Variants in RELN observed in about 807,000 individuals in gnomAD.
RELN encodes the protein reelin.
In RELN, 108 loss-of-function variants were observed where a neutral mutation model predicts 427.6. That is an observed-to-expected ratio of 0.25 (90% CI 0.22 to 0.30). RELN has a LOEUF of 0.30. Among genes scored for constraint, RELN ranks in the 10% least tolerant of loss-of-function variants. The pLI, the probability that RELN is intolerant of heterozygous loss-of-function variation, is 1.00. For missense variants in RELN, 3,715 were observed against 4,302.8 expected (o/e 0.86, Z 3.82); for synonymous variants, 1,524 against 1,513.4 (o/e 1.01, Z -0.16).
At chr7:103,711,768 C>T (rs3819450) in intron 8 of RELN, among the ~76,000 whole-genome samples, 18,766 of 152,042 alleles carry the variant, frequency 0.12, 1,263 homozygotes, top group Middle Eastern at 0.28. Flanking sequence ...GGAATCCTCT[C>T]GCCTCAGCCT....
chr7:103,742,925 C>T (rs1279950009), intron 6 of RELN, among the ~76,000 whole-genome samples: 3 of 151,924 alleles, frequency 2.0e-5, no homozygotes, highest in African/African-American at 7.3e-5. Context: ...CACAAAGATA[C>T]TCCTCGAGAA....
chr7:103,869,460 T>C (rs1047362224), intron 2 of RELN, among the ~76,000 whole-genome samples: 1 of 152,092 alleles, frequency 6.6e-6, no homozygotes, highest in East Asian at 1.9e-4. Context: ...TGACAAAGGA[T>C]TATTTCAGCT....
In RELN at chr7:103,662,625, C is replaced by CAA. The variant is rs747230376; in HGVS notation, c.1290-1100_1290-1099dup. Among the ~76,000 whole-genome samples, 309 of 77,218 alleles carry CAA rather than the reference C, an allele frequency of 4.0e-3. 6 individuals carry two copies. Among genetic ancestry groups the CAA allele is most frequent in the African/African-American group, 6.6e-3 (123 of 18,710 alleles). The allele number at this position is 77,218 out of a possible 152,430, so 50.7% of individuals were successfully genotyped here. A position where few individuals can be genotyped will look rare whatever the true frequency, so the allele number is the denominator to read the frequency against. ...TGGGTGACACAGCGAGACTCCGTCA[C>CAA]AAAAAAAAAAAAAAAAAAAAGAAAC... On this transcript the variant is annotated intron_variant, in intron 11 of 64. Transcript: ENST00000428762.
At chr7:103,522,721 G>C (rs1716661549) in intron 47 of RELN, among the ~76,000 whole-genome samples, 1 of 151,524 alleles carries the variant, frequency 6.6e-6, no homozygotes. Flanking sequence ...GGGATCTCAA[G>C]GGTCGTCCTG....
At chr7:103,859,767 C>T (rs1189364188) in intron 2 of RELN, among the ~76,000 whole-genome samples, 1 of 152,110 alleles carries the variant, frequency 6.6e-6, no homozygotes, top group Non-Finnish European at 1.5e-5. Context: ...CCAAGCCTAA[C>T]TTTGTTTTCA....
At chr7:103,845,430 C>T (rs1793651429) in intron 2 of RELN, among the ~76,000 whole-genome samples, 1 of 152,210 alleles carries the variant, frequency 6.6e-6, no homozygotes, top group Non-Finnish European at 1.5e-5. Context: ...ATACACCCAC[C>T]TTGGCCTCCC....
chr7:103,519,090 T>G (rs1829640682), intron 49 of RELN, among the ~76,000 whole-genome samples: 1 of 152,206 alleles, frequency 6.6e-6, no homozygotes, highest in East Asian at 1.9e-4. Context: ...TTATTCACCG[T>G]TGGCATTGTG....
chr7:103,876,729 C>T (rs527963042), intron 2 of RELN, among the ~76,000 whole-genome samples: 1 of 151,806 alleles, frequency 6.6e-6, no homozygotes, highest in African/African-American at 2.4e-5. Context: ...ACTTAAAAAT[C>T]CTCATTCAAA....
chr7:103,806,290 T>C (rs931451177), intron 3 of RELN, among the ~76,000 whole-genome samples: 3 of 152,134 alleles, frequency 2.0e-5, no homozygotes, highest in African/African-American at 4.8e-5. Flanking sequence ...ATCCTTGCTA[T>C]TGAGGGGGAA....
chr7:103,636,201 G>GT (rs769821155), intron 18 of RELN, 34 bp downstream of exon 18: 6 of 1,379,896 alleles, frequency 4.3e-6, no homozygotes, highest in African/African-American at 1.4e-5. Context: ...TTAGTATCTG[G>GT]TTTTTGTATG....
intron 3 of RELN, among the ~76,000 whole-genome samples, chr7:103,791,523 T>C (rs1304687844): frequency 6.6e-6 from 1 of 152,170 alleles, no homozygotes; most frequent in Non-Finnish European, 1.5e-5. Context: ...GTCAACTGGA[T>C]ATCCACATGC....
intron 2 of RELN, among the ~76,000 whole-genome samples, chr7:103,895,886 T>G (rs1256195575): frequency 6.6e-6 from 1 of 151,752 alleles, no homozygotes; most frequent in Non-Finnish European, 1.5e-5. Flanking sequence ...TAAGGCAACA[T>G]GGAGAAAAAA....
intron 3 of RELN, among the ~76,000 whole-genome samples, chr7:103,777,883 T>TCACACACACACACACACACACA (rs201873652): frequency 5.2e-4 from 75 of 143,968 alleles, no homozygotes; most frequent in Middle Eastern, 3.5e-3. Flanking sequence ...TGTTATACCT[T>TCACACACACACACACACACACA]CACACACACA....
chr7:103,725,271 G>C (rs770843186), intron 7 of RELN, among the ~76,000 whole-genome samples: 41 of 152,288 alleles, frequency 2.7e-4, no homozygotes, highest in Middle Eastern at 6.8e-3. Context: ...TCAGTAAATA[G>C]GCCTGGTGCA....
intron 64 of RELN, among the ~76,000 whole-genome samples, chr7:103,474,400 T>A (rs1586456987): frequency 6.6e-6 from 1 of 152,212 alleles, no homozygotes; most frequent in Non-Finnish European, 1.5e-5. Context: ...AAAGAATATA[T>A]CCTGAAGACA....
At chr7:103,685,177 T>C (rs1412178086) in intron 10 of RELN, among the ~76,000 whole-genome samples, 1 of 152,194 alleles carries the variant, frequency 6.6e-6, no homozygotes, top group East Asian at 1.9e-4. Flanking sequence ...ATCTACTATG[T>C]TAAAAATCCA....
chr7:103,914,698 C>T (rs898226325), intron 2 of RELN, among the ~76,000 whole-genome samples: 5 of 152,000 alleles, frequency 3.3e-5, no homozygotes, highest in African/African-American at 1.2e-4. Flanking sequence ...AGAGGTTAAA[C>T]GACTTGGCTG....
chr7:103,773,756 C>T (rs1446525791), intron 4 of RELN, among the ~76,000 whole-genome samples: 1 of 152,004 alleles, frequency 6.6e-6, no homozygotes, highest in African/African-American at 2.4e-5. Context: ...AGGCATGACC[C>T]ACTGCGCGCG....
chr7:103,636,495 C>T, intron 17 of RELN, 27 bp from the exon 18 acceptor site: 1 of 1,463,106 alleles, frequency 6.8e-7, no homozygotes, highest in Admixed American at 1.7e-5. Context: ...GAAATTAAAT[C>T]TTAAACTGTT....
Sources: gnomAD v4.1 joint callset for allele counts (sites outside exome capture counted in the v4.1 genomes callset) on GRCh38, gnomAD v4.1.1 for gene constraint, MANE v1.5 for transcripts, NCBI Gene and HGNC (gene_info 2026-07-23, HGNC 2026-07-21) for gene names.